Variants in PTPRT observed in about 807,000 individuals in gnomAD.
PTPRT encodes the protein protein tyrosine phosphatase receptor type T.
In PTPRT, 56 loss-of-function variants were observed where a neutral mutation model predicts 176.8. The observed-to-expected ratio is 0.32, with a 90% confidence interval of 0.26 to 0.40. The LOEUF (loss-of-function observed/expected upper bound fraction) is 0.40. PTPRT is among the 10% of genes least tolerant of loss of function. The pLI, the probability that PTPRT is intolerant of heterozygous loss-of-function variation, is 1.00. For synonymous variants in PTPRT, 783 were observed against 739.0 expected (o/e 1.06, Z -0.96); for missense variants, 1,540 against 1,908.2 (o/e 0.81, Z 3.60).
At chr20:42,107,555 T>C (rs1422794871) in intron 23 of PTPRT, among the ~76,000 whole-genome samples, 1 of 152,198 alleles carries the variant, frequency 6.6e-6, no homozygotes, top group African/African-American at 2.4e-5. Context: ...TATAAAATGG[T>C]AGGGGAACTC....
intron 7 of PTPRT, among the ~76,000 whole-genome samples, chr20:42,670,029 C>A (rs1006633384): frequency 4.6e-5 from 7 of 152,292 alleles, no homozygotes; most frequent in South Asian, 4.2e-4. Flanking sequence ...GAGGACTCCA[C>A]AACATGCACA....
At chr20:43,127,095 T>G (rs1343559750) in intron 1 of PTPRT, among the ~76,000 whole-genome samples, 1 of 152,118 alleles carries the variant, frequency 6.6e-6, no homozygotes, top group Non-Finnish European at 1.5e-5. Context: ...TTCTTTGGAT[T>G]CCTCCTAATC....
chr20:42,708,295 T>G (rs538724251), intron 6 of PTPRT, among the ~76,000 whole-genome samples: 1 of 152,304 alleles, frequency 6.6e-6, no homozygotes, highest in South Asian at 2.1e-4. Flanking sequence ...TTCAAGATTT[T>G]TCTTGCCCCC....
chr20:43,029,617 T>A (rs2146194236), intron 1 of PTPRT, among the ~76,000 whole-genome samples: 1 of 152,370 alleles, frequency 6.6e-6, no homozygotes, highest in South Asian at 2.1e-4. Flanking sequence ...AAGTTTTCTA[T>A]CTGCCCCTGC....
chr20:42,461,220 A>G (rs1601068038), intron 8 of PTPRT, among the ~76,000 whole-genome samples: 4 of 152,112 alleles, frequency 2.6e-5, no homozygotes. Flanking sequence ...CCAGCTACTC[A>G]GGAGGCTGAA....
intron 1 of PTPRT, among the ~76,000 whole-genome samples, chr20:43,020,865 A>ATGCTGC (rs1251366236): frequency 6.6e-6 from 1 of 152,248 alleles, no homozygotes; most frequent in African/African-American, 2.4e-5. Flanking sequence ...ATTAAGGATG[A>ATGCTGC]TGCTGCTGCT....
At position 42,073,668 on chromosome 20, in the gene PTPRT, G is replaced by T. The variant is rs905561438; in HGVS notation, c.*7211C>A. The stretch of plus-strand genomic sequence containing the variant: ...ATGGTTTGCTGTTTGGTGATAACCA[G>T]CCTGGATCAGCCCAGTATATGTGGC... On this transcript the variant is annotated 3_prime_UTR_variant, in exon 31 of 31. Transcript: ENST00000373187. 1.8e-5 allele frequency: 4 copies of T among 224,918 alleles called. No individual in the cohort carries two copies. The highest frequency in any genetic ancestry group is 2.7e-5 in the Non-Finnish European group (3 of 112,878). 13.9% of individuals were successfully genotyped at this position (224,918 alleles called of 1,614,324 possible). A position where few individuals can be genotyped will look rare whatever the true frequency, so the allele number is the denominator to read the frequency against.
In PTPRT at chr20:42,563,142, C is replaced by T. The variant is rs555386453; in HGVS notation, c.1154-90580G>A. On this transcript the variant is annotated intron_variant, in intron 7 of 30. Transcript: ENST00000373187. ...ATAAATTTATTTAGTTTATTCTTTA[C>T]TACTAATGTGTCGAAAAACACATAT... Among the ~76,000 whole-genome samples the T allele has an allele frequency of 2.0e-4, 30 of 152,108 alleles. No individual in the cohort carries two copies. In the South Asian group the frequency reaches 5.8e-3, roughly 29 times the overall value.
chr20:42,364,883 C>A (rs2058492572), intron 9 of PTPRT, among the ~76,000 whole-genome samples: 1 of 152,222 alleles, frequency 6.6e-6, no homozygotes, highest in Non-Finnish European at 1.5e-5. Flanking sequence ...ACTGGTTCTA[C>A]TCGAAGGAGG....
At chr20:42,701,537 G>A (rs1352004452) in intron 6 of PTPRT, among the ~76,000 whole-genome samples, 1 of 152,168 alleles carries the variant, frequency 6.6e-6, no homozygotes, top group Non-Finnish European at 1.5e-5. Flanking sequence ...AGCCAGCGGA[G>A]AGAAGAAATT....
chr20:43,182,483 T>C (rs939590176), intron 1 of PTPRT, among the ~76,000 whole-genome samples: 1 of 151,872 alleles, frequency 6.6e-6, no homozygotes, highest in South Asian at 2.1e-4. Flanking sequence ...CTCCACCACC[T>C]GGGTTCAAGC....
intron 9 of PTPRT, among the ~76,000 whole-genome samples, chr20:42,416,559 G>A (rs1040512011): frequency 1.3e-5 from 2 of 152,148 alleles, no homozygotes; most frequent in African/African-American, 4.8e-5. Context: ...TCTATTTGCT[G>A]CCCCTAAGTT....
At chr20:42,900,417 C>T (rs1469864260) in intron 1 of PTPRT, among the ~76,000 whole-genome samples, 2 of 152,136 alleles carry the variant, frequency 1.3e-5, no homozygotes, top group South Asian at 4.1e-4. Context: ...CCTGGCTTGT[C>T]CCCGGTATGA....
intron 27 of PTPRT, among the ~76,000 whole-genome samples, chr20:42,086,690 G>T (rs1006117599): frequency 7.6e-6 from 1 of 131,946 alleles, no homozygotes; most frequent in African/African-American, 3.0e-5. Context: ...TCGCGCCACT[G>T]CACTCCAGCC....
At chr20:42,435,521 A>G (rs2059254831) in intron 9 of PTPRT, among the ~76,000 whole-genome samples, 1 of 152,216 alleles carries the variant, frequency 6.6e-6, no homozygotes. Flanking sequence ...AGAGCACAGT[A>G]AAAGAAGGCC....
At chr20:42,729,509 A>C (rs868788282) in intron 6 of PTPRT, among the ~76,000 whole-genome samples, 6 of 152,368 alleles carry the variant, frequency 3.9e-5, no homozygotes, top group Non-Finnish European at 5.9e-5. Flanking sequence ...CGCTGCATGC[A>C]AGGACAGAAA....
At chr20:42,402,539 T>G (rs2145708739) in intron 9 of PTPRT, among the ~76,000 whole-genome samples, 1 of 146,644 alleles carries the variant, frequency 6.8e-6, no homozygotes, top group East Asian at 2.0e-4. Flanking sequence ...AAGACTTCAG[T>G]ATTGAGCCAG....
intron 11 of PTPRT, among the ~76,000 whole-genome samples, chr20:42,325,491 C>T (rs913701906): frequency 4.6e-5 from 7 of 152,164 alleles, no homozygotes; most frequent in African/African-American, 9.7e-5. Flanking sequence ...TTCTCTCTTT[C>T]AAAATACCAT....
At chr20:42,363,187 C>T (rs1376719542) in intron 9 of PTPRT, among the ~76,000 whole-genome samples, 1 of 139,332 alleles carries the variant, frequency 7.2e-6, no homozygotes, top group Non-Finnish European at 1.5e-5. Flanking sequence ...CATTGATTGG[C>T]AAATCTGTAA....
Sources: allele counts gnomAD v4.1 joint callset (sites outside exome capture counted in the v4.1 genomes callset), GRCh38; gene constraint gnomAD v4.1.1; transcripts MANE v1.5; gene names NCBI Gene and HGNC (gene_info 2026-07-23, HGNC 2026-07-21).